Variants in MGST1 observed in about 807,000 individuals in gnomAD.
MGST1 encodes glutathione S-transferase 12.
Under a neutral mutation model 8.9 loss-of-function variants are expected in MGST1, and 5 were observed. The ratio of observed to expected loss-of-function variants is 0.56; its 90% confidence interval spans 0.29 to 1.19. The LOEUF is 1.19. MGST1 is among the 50% of genes most tolerant of loss of function. The probability of loss-of-function intolerance (pLI) is 0.08; values close to 1 mark genes in which losing one functional copy is unlikely to be tolerated. For missense variants in MGST1, 182 were observed against 187.4 expected (o/e 0.97, Z 0.17); for synonymous variants, 54 against 67.8 (o/e 0.80, Z 1.00).
intron 4 of MGST1, among the ~76,000 whole-genome samples, chr12:16,518,170 C>T (rs1941626209): frequency 6.6e-6 from 1 of 152,216 alleles, no homozygotes; most frequent in Non-Finnish European, 1.5e-5. Context: ...GCCTTATCCA[C>T]TGCTACCTCA....
At position 16,589,281 on chromosome 12, in the gene MGST1, T is replaced by C. The variant is rs901480258; in HGVS notation, n.483-247T>C. On this transcript the variant is annotated intron_variant and non_coding_transcript_variant, in intron 4 of 4. Coordinates refer to the MGST1 transcript ENST00000538857. The surrounding 1 kb of genome is among the most constrained non-coding windows in gnomAD (Gnocchi z 4.2). ...TAGGAATACATAAGTTATCTGCCAC[T>C]GATGATCATTGATGGAGAAGGGGCA... Among the ~76,000 whole-genome samples, 3 of 152,110 alleles carry C rather than the reference T, an allele frequency of 2.0e-5. No homozygotes were observed. The highest frequency in any genetic ancestry group is 7.2e-5 in the African/African-American group (3 of 41,442).
intron 4 of MGST1, among the ~76,000 whole-genome samples, chr12:16,493,963 A>G (rs1000646181): frequency 6.6e-6 from 1 of 152,152 alleles, no homozygotes; most frequent in African/African-American, 2.4e-5. Context: ...TAGTCCCTCA[A>G]TCTAAATATC....
rs77261776 is a variant in MGST1 at position 16,585,880 on chromosome 12, A to G, written n.483-3648A>G. Among the ~76,000 whole-genome samples the G allele has an allele frequency of 6.7e-4, 102 of 152,318 alleles. 1 individual carries two copies. Among genetic ancestry groups the G allele is most frequent in the African/African-American group, 2.4e-3 (99 of 41,578 alleles). On this transcript the variant is annotated intron_variant and non_coding_transcript_variant, in intron 4 of 4. Transcript: ENST00000538857. The surrounding 1 kb of genome is among the most constrained non-coding windows in gnomAD (Gnocchi z 4.7). ...ATGTATATGATTCACAGGCCCAAGT[A>G]AAACATCATTTAGTCATTTATAGTC...
intron 1 of MGST1, among the ~76,000 whole-genome samples, chr12:16,394,488 T>TTC: frequency 1.8e-5 from 2 of 113,436 alleles, no homozygotes; most frequent in African/African-American, 7.1e-5. Flanking sequence ...CTTTCTTCCT[T>TTC]TCTTTCTTTC....
intron 4 of MGST1, among the ~76,000 whole-genome samples, chr12:16,502,725 A>G (rs1360061354): frequency 6.6e-6 from 1 of 152,028 alleles, no homozygotes; most frequent in Non-Finnish European, 1.5e-5. Flanking sequence ...TAGAAACAGC[A>G]CCCTCCTCTC....
At chr12:16,450,048 T>C (rs1485525823) in intron 4 of MGST1, among the ~76,000 whole-genome samples, 1 of 151,938 alleles carries the variant, frequency 6.6e-6, no homozygotes, top group Admixed American at 6.6e-5. Flanking sequence ...TCATCACTGT[T>C]GGTAAGTGCC....
chr12:16,427,611 G>T (rs183860556), intron 1 of MGST1, among the ~76,000 whole-genome samples: 1 of 152,164 alleles, frequency 6.6e-6, no homozygotes, highest in East Asian at 1.9e-4. Flanking sequence ...CGAACTTCTG[G>T]CCTCAAGTGA....
At chr12:16,381,373 G>A (rs1416085592), downstream of MGST1, among the ~76,000 whole-genome samples, 1 of 152,148 alleles carries the variant, frequency 6.6e-6, no homozygotes, top group South Asian at 2.1e-4. Context: ...TGTCTGTAAA[G>A]TATTTTATTT....
chr12:16,400,608 C>A, intron 1 of MGST1: 1 of 1,154,106 alleles, frequency 8.7e-7, no homozygotes, highest in South Asian at 1.2e-5. Context: ...GTTCCCCGGT[C>A]ATCGTATGAC....
At chr12:16,423,552 T>C (rs1323331967) in intron 1 of MGST1, among the ~76,000 whole-genome samples, 1 of 1,258 alleles carries the variant, frequency 7.9e-4, no homozygotes, top group Admixed American at 0.017. Context: ...CTAACCTATG[T>C]ACAAAAAAAA....
At chr12:16,399,293 G>T in intron 1 of MGST1, 2 of 1,604,614 alleles carry the variant, frequency 1.2e-6, no homozygotes, top group South Asian at 1.1e-5. Flanking sequence ...TCTTTTTCTT[G>T]GGGGGTGCAG....
chr12:16,516,508 G>A (rs901869421), intron 4 of MGST1, among the ~76,000 whole-genome samples: 2 of 151,182 alleles, frequency 1.3e-5, no homozygotes, highest in African/African-American at 4.8e-5. Flanking sequence ...CTCAAAATTG[G>A]GCAAGTTTCT....
At chr12:16,530,719 C>G (rs1206373722) in intron 4 of MGST1, among the ~76,000 whole-genome samples, 2 of 152,074 alleles carry the variant, frequency 1.3e-5, no homozygotes, top group Non-Finnish European at 2.9e-5. Context: ...AAGAAAGTAA[C>G]TCTCCATCAT....
intron 4 of MGST1, among the ~76,000 whole-genome samples, chr12:16,571,172 T>C (rs1266725552): frequency 6.6e-6 from 1 of 152,106 alleles, no homozygotes; most frequent in Non-Finnish European, 1.5e-5. Flanking sequence ...GGGCATTGTG[T>C]CACCTATTGT....
chr12:16,418,853 C>T (rs1232068306), intron 1 of MGST1, among the ~76,000 whole-genome samples: 1 of 152,078 alleles, frequency 6.6e-6, no homozygotes, highest in Non-Finnish European at 1.5e-5. Context: ...CTAGTGACAT[C>T]TTTATGTTGT....
At chr12:16,461,390 T>C (rs181401584) in intron 4 of MGST1, among the ~76,000 whole-genome samples, 34 of 152,306 alleles carry the variant, frequency 2.2e-4, no homozygotes, top group Admixed American at 1.7e-3. Flanking sequence ...CTAAGGTACA[T>C]CATTCCAAAC....
intron 3 of MGST1, among the ~76,000 whole-genome samples, chr12:16,372,551 G>C (rs1284101359): frequency 6.6e-6 from 1 of 152,044 alleles, no homozygotes; most frequent in Admixed American, 6.6e-5. Flanking sequence ...AATGTGGCAA[G>C]AGGGGAGCCC....
rs913702179 is a variant in MGST1 at position 16,389,043 on chromosome 12, G to A, written n.778+5439G>A. ...TTCTGAACCTTCTTGGGGAAATTAA[G>A]TTAATCTTGTAAAGTGCCACTTTGC... On this transcript the variant is annotated intron_variant and non_coding_transcript_variant, in intron 1 of 1. Coordinates refer to the MGST1 transcript ENST00000359720. This position sits in a 1 kb window ranked among gnomAD's most constrained non-coding sequence, Gnocchi z 4.6. Among the ~76,000 whole-genome samples, 5 of 152,200 alleles carry A rather than the reference G, an allele frequency of 3.3e-5. No homozygotes were observed. Among genetic ancestry groups the A allele is most frequent in the African/African-American group, 1.2e-4 (5 of 41,454 alleles).
chr12:16,511,057 G>T (rs879620520), intron 4 of MGST1, among the ~76,000 whole-genome samples: 3 of 152,176 alleles, frequency 2.0e-5, no homozygotes, highest in Admixed American at 6.5e-5. Flanking sequence ...CAAAGGCTAT[G>T]TTTGTATAGC....
Sources: allele counts gnomAD v4.1 joint callset (sites outside exome capture counted in the v4.1 genomes callset), GRCh38; gene constraint gnomAD v4.1.1; non-coding constraint Gnocchi (gnomAD v3.1); transcripts MANE v1.5; gene names NCBI Gene and HGNC (gene_info 2026-07-23, HGNC 2026-07-21).